DMXL1: variants seen among roughly 807,000 people sequenced by gnomAD.
DMXL1 encodes dmX-like protein 1.
Under a neutral mutation model 319.2 loss-of-function variants are expected in DMXL1, and 99 were observed. The ratio of observed to expected loss-of-function variants is 0.31; its 90% CI spans 0.26 to 0.37. DMXL1 has a LOEUF of 0.37. Ranked by LOEUF, DMXL1 falls within the 10% of genes least tolerant of loss-of-function variation. The pLI is 1.00. For missense variants in DMXL1, 3,745 were observed against 3,595.6 expected, an observed-to-expected ratio of 1.04 and a Z score of -1.06; for synonymous variants, 1,385 against 1,235.2, an observed-to-expected ratio of 1.12 and a Z score of -2.54.
chr5:119,217,061 A>G, intron 35 of DMXL1, 74 bp downstream of exon 35: 1 of 876,294 alleles, frequency 1.1e-6, no homozygotes, highest in South Asian at 2.2e-5. Flanking sequence ...TTATCAGTTT[A>G]TCCAGTATTT....
At chr5:119,163,495 C>T (rs1393035884) in intron 19 of DMXL1, among the ~76,000 whole-genome samples, 1 of 152,208 alleles carries the variant, frequency 6.6e-6, no homozygotes, top group African/African-American at 2.4e-5. Flanking sequence ...TGCCTCACTG[C>T]CATGTCTACC....
chr5:119,079,143 T>G (rs111394404), intron 1 of DMXL1, among the ~76,000 whole-genome samples: 1 of 152,346 alleles, frequency 6.6e-6, no homozygotes, highest in African/African-American at 2.4e-5. Context: ...AGTCTGCTCA[T>G]TTTTCCTTTC....
chr5:119,118,074 G>A (rs1300021893), intron 7 of DMXL1, among the ~76,000 whole-genome samples: 1 of 152,168 alleles, frequency 6.6e-6, no homozygotes, highest in Non-Finnish European at 1.5e-5. Context: ...CTTGTTGCTT[G>A]TTGGACTTAT....
chr5:119,104,707 A>T (rs1371469118), intron 3 of DMXL1, among the ~76,000 whole-genome samples: 1 of 152,230 alleles, frequency 6.6e-6, no homozygotes, highest in African/African-American at 2.4e-5. Flanking sequence ...AGGCAGAAAA[A>T]AAGGGAAAAA....
At chr5:119,208,235 CAG>C (rs1357473370) in intron 34 of DMXL1, among the ~76,000 whole-genome samples, 5 of 126,978 alleles carry the variant, frequency 3.9e-5, no homozygotes, top group East Asian at 4.6e-4. Context: ...TTTTTGGAAA[CAG>C]AGTTTCACTC....
At chr5:119,075,384 C>T (rs1214293457) in intron 1 of DMXL1, among the ~76,000 whole-genome samples, 1 of 151,714 alleles carries the variant, frequency 6.6e-6, no homozygotes, top group Non-Finnish European at 1.5e-5. Context: ...GGATTACAGG[C>T]GCACACCACC....
intron 1 of DMXL1, among the ~76,000 whole-genome samples, chr5:119,090,862 G>A (rs1056426749): frequency 3.9e-5 from 6 of 151,906 alleles, no homozygotes; most frequent in African/African-American, 1.2e-4. Context: ...ACCGTGCCTG[G>A]CAGTCCTCTG....
chr5:119,097,650 G>A (rs1737939606), intron 1 of DMXL1, among the ~76,000 whole-genome samples: 2 of 152,292 alleles, frequency 1.3e-5, no homozygotes, highest in African/African-American at 4.8e-5. Flanking sequence ...CTGGGAGGCG[G>A]AACTTGGAGT....
At chr5:119,112,882 G>A (rs769734557) in intron 5 of DMXL1, among the ~76,000 whole-genome samples, 74 of 150,864 alleles carry the variant, frequency 4.9e-4, no homozygotes, top group Admixed American at 1.6e-3. Flanking sequence ...GCTTGAACCC[G>A]GTGGTGGAGG....
At position 119,249,023 on chromosome 5, in the gene DMXL1, A is replaced by G. The variant is rs1790160357; in HGVS notation, c.*1804A>G. 1 of 152,554 alleles carries G rather than the reference A, an allele frequency of 6.6e-6. No individual in the cohort carries two copies. The allele number at this position is 152,554 out of a possible 1,614,324, so 9.5% of individuals were successfully genotyped here. ...CAAAAGGTGTTTAAGGATGAACTAA[A>G]TATTTTAATTGAGCATTTATATGGA... On this transcript the variant is annotated 3_prime_UTR_variant, in exon 44 of 44. Coordinates refer to ENST00000539542, the MANE Select transcript of DMXL1 (RefSeq NM_001290321.3).
chr5:119,184,093 G>A (rs774427689), intron 28 of DMXL1, among the ~76,000 whole-genome samples: 7 of 147,574 alleles, frequency 4.7e-5, no homozygotes, highest in South Asian at 4.2e-4. Flanking sequence ...TTGCTCTGTC[G>A]CCCAGGCTGG....
chr5:119,189,671 A>C, intron 28 of DMXL1, 37 bp from the exon 29 acceptor site: 1 of 1,593,002 alleles, frequency 6.3e-7, no homozygotes, highest in African/African-American at 1.3e-5. Context: ...TGCAATGAAA[A>C]TAGTACTTCA....
chr5:119,156,035 A>T (rs1409350072), intron 19 of DMXL1, among the ~76,000 whole-genome samples: 1 of 152,190 alleles, frequency 6.6e-6, no homozygotes, highest in Non-Finnish European at 1.5e-5. Flanking sequence ...ATTTTGAAAG[A>T]AGTTCTAAAT....
chr5:119,157,178 T>C (rs1771281873), intron 19 of DMXL1, among the ~76,000 whole-genome samples: 1 of 152,194 alleles, frequency 6.6e-6, no homozygotes, highest in African/African-American at 2.4e-5. Flanking sequence ...TGAGTTGTTT[T>C]CTTGCTATTG....
At chr5:119,126,824 T>A in intron 9 of DMXL1, 1 of 160,358 alleles carries the variant, frequency 6.2e-6, no homozygotes. Flanking sequence ...AATATGTTGT[T>A]GAGTTGAGCT....
At chr5:119,229,053 G>A (rs1786152176) in intron 38 of DMXL1, among the ~76,000 whole-genome samples, 1 of 147,592 alleles carries the variant, frequency 6.8e-6, no homozygotes, top group African/African-American at 2.5e-5. Context: ...GGTGACTCAT[G>A]TCTGTAATCC....
At chr5:119,198,017 C>T (rs1000061990) in intron 32 of DMXL1, 61 bp downstream of exon 32, 1 of 1,520,196 alleles carries the variant, frequency 6.6e-7, no homozygotes, top group East Asian at 2.3e-5. Context: ...GAGATGGTGT[C>T]TCGCTCTGTC....
intron 1 of DMXL1, 56 bp downstream of exon 1, chr5:119,071,712 G>A: frequency 6.7e-7 from 1 of 1,494,624 alleles, no homozygotes; most frequent in South Asian, 1.2e-5. Context: ...CGTCATTCTG[G>A]GCCGAGCTTG....
intron 23 of DMXL1, 39 bp from the exon 24 acceptor site, chr5:119,170,151 C>G: frequency 6.5e-7 from 1 of 1,549,512 alleles, no homozygotes; most frequent in South Asian, 1.3e-5. Context: ...ACACACAGTT[C>G]ATAACTTTTC....
Sources: gnomAD v4.1 joint callset for allele counts (sites outside exome capture counted in the v4.1 genomes callset) on GRCh38, gnomAD v4.1.1 for gene constraint, MANE v1.5 for transcripts, NCBI Gene and HGNC (gene_info 2026-07-23, HGNC 2026-07-21) for gene names.